The following GH2 variants were observed in gnomAD, a reference collection of about 807,000 sequenced individuals.
GH2 encodes growth hormone 2.
GH2 carries 17 observed loss-of-function variants against 24.1 expected under a neutral mutation model. The observed-to-expected ratio is 0.71, with a 90% confidence interval of 0.48 to 1.06. The LOEUF is 1.06. Among genes scored for constraint, GH2 ranks in the 50% least tolerant of loss-of-function variants. The probability of loss-of-function intolerance (pLI) is 0.00; values close to 1 mark genes in which losing one functional copy is unlikely to be tolerated. For missense variants in GH2, 305 were observed against 273.1 expected (o/e 1.12, Z -0.82); for synonymous variants, 126 against 118.7 (o/e 1.06, Z -0.40).
chr17:63,881,655 G>A (rs1247662553), intron 1 of GH2, 136 bp from the exon 2 acceptor site: 12 of 1,606,548 alleles, frequency 7.5e-6, no homozygotes, highest in Non-Finnish European at 1.0e-5. Context: ...TCAGAGATTG[G>A]CCAAATACTG....
At chr17:63,881,699 C>A in intron 1 of GH2, 93 bp downstream of exon 1, 2 of 1,611,426 alleles carry the variant, frequency 1.2e-6, no homozygotes, top group South Asian at 1.1e-5. Flanking sequence ...TCATAAGCCC[C>A]AAACCTGAGG....
chr17:63,880,496 CG>C lies in GH2; in HGVS notation c.478del (p.Arg160GlyfsTer88), dbSNP rs768177501. On this transcript the variant is annotated frameshift_variant, in exon 5 of 5. Coordinates refer to ENST00000423893, the MANE Select transcript of GH2 (RefSeq NM_002059.5). LOFTEE classifies it high-confidence loss of function. ...LMWRLEDGSP[R>X]TGQIFNQSYS... ...GGACTGATTGAAGATCTGCCCAGTC[CG>C]GGGGCTGCCATCTTCCAGCCTCTGC... 9 of 1,613,642 alleles carry C rather than the reference CG, an allele frequency of 5.6e-6. No individual in the cohort carries two copies. The South Asian group carries it at 8.8e-5, about 16-fold the overall frequency.
At position 63,880,521 on chromosome 17, in the gene GH2, G is replaced by A; in HGVS notation, c.457-3C>T. The A allele has an allele frequency of 6.2e-7, 1 of 1,613,796 alleles. No individual in the cohort carries two copies. The highest frequency in any genetic ancestry group is 1.1e-5 in the South Asian group (1 of 91,066). ...CGGGGGCTGCCATCTTCCAGCCTCT[G>A]CAAAGTGAAGGAAGAGAAGGAGAGG... On this transcript the variant is annotated splice_region_variant and splice_polypyrimidine_tract_variant and intron_variant, in intron 4 of 4. Transcript: ENST00000423893.
At position 63,881,773 on chromosome 17, in the gene GH2, G is replaced by C. The variant is rs776427200; in HGVS notation, c.10+19C>G. On this transcript the variant is annotated intron_variant, in intron 1 of 4. Coordinates refer to ENST00000423893, the MANE Select transcript of GH2 (RefSeq NM_002059.5). ...CCCTCAGGACACATTGTGCCCAAAG[G>C]GATTTTAGGGGCGCTTACCTGCAGC... 1.9e-6 allele frequency: 3 copies of C among 1,612,860 alleles called. No individual in the cohort carries two copies. The highest frequency in any genetic ancestry group is 4.5e-5 in the East Asian group (2 of 44,884).
chr17:63,881,898 G>GC lies in GH2; in HGVS notation c.-98dup. On this transcript the variant is annotated 5_prime_UTR_variant, in exon 1 of 5. Transcript: ENST00000423893. ...CTCTTGTGGGCCCTTTTTATACCTG[G>GC]CCCCTTCTCTCTCGCTGCTTCTCCT... is the stretch of plus-strand genomic sequence containing the variant. The GC allele has an allele frequency of 1.2e-6, 2 of 1,612,398 alleles. No individual in the cohort carries two copies. The highest frequency in any genetic ancestry group is 1.7e-6 in the Non-Finnish European group (2 of 1,179,080).
rs768571546 is a variant in GH2 at position 63,880,656 on chromosome 17, G to C, written c.456+116C>G. 11 of 1,613,912 alleles carry C rather than the reference G, an allele frequency of 6.8e-6. No homozygotes were observed. In the African/African-American group the frequency reaches 1.1e-4, roughly 16 times the overall value. ...ATTCACGAGGGGAAATGAAGAATACGGTGAGTTCTCTTGGGTCAGCGCCTG... is the reference window on the plus strand; with the variant it reads ...ATTCACGAGGGGAAATGAAGAATACCGTGAGTTCTCTTGGGTCAGCGCCTG... On this transcript the variant is annotated intron_variant, in intron 4 of 4. Transcript: ENST00000423893.
At chr17:63,881,215 C>T in intron 2 of GH2, 67 bp from the exon 3 acceptor site, 1 of 1,613,456 alleles carries the variant, frequency 6.2e-7, no homozygotes, top group Non-Finnish European at 8.5e-7. Context: ...TTTCTGGGAA[C>T]CTCACTCAGC....
In GH2 at chr17:63,881,839, T is replaced by G. The variant is rs373676082; in HGVS notation, c.-38A>C. 2.5e-6 allele frequency: 4 copies of G among 1,613,714 alleles called. No individual in the cohort carries two copies. Among genetic ancestry groups the G allele is most frequent in the East Asian group, 4.5e-5 (2 of 44,878 alleles). ...AGCTGTCCACAGGACCCTGAGTGGT[T>G]CGGGGAGTTGGGCCTTGGGATCCTT... On this transcript the variant is annotated 5_prime_UTR_variant, in exon 1 of 5. Coordinates refer to ENST00000423893, the MANE Select transcript of GH2 (RefSeq NM_002059.5).
Position 63,880,790 on chromosome 17 carries a change from G to A in GH2, c.438C>T (p.Gly146=). 1.2e-6 allele frequency: 2 copies of A among 1,614,104 alleles called. No individual in the cohort carries two copies. The highest frequency in any genetic ancestry group is 1.7e-6 in the Non-Finnish European group (2 of 1,179,968). The change falls in exon 4 of 5, where the codon GGC becomes GGT. Residue 146 remains glycine (G), a synonymous_variant. Transcript: ENST00000423893. ...VYRHLKDLEE[G]IQTLMWRLED... ...CCCTCACCCACATCAGCGTTTGGATGCCTTCCTCTAGGTCCTTCAGGTGGC... is the reference window on the plus strand; with the variant it reads ...CCCTCACCCACATCAGCGTTTGGATACCTTCCTCTAGGTCCTTCAGGTGGC...
In GH2 at chr17:63,881,159, G is replaced by A. The variant is rs1227988397; in HGVS notation, c.172-11C>T. On this transcript the variant is annotated splice_polypyrimidine_tract_variant and intron_variant, in intron 2 of 4. Transcript: ENST00000423893. ...GATATAGGCTTCTTCCTAGGAGAAGGACCGCCCACCAAGGTCTATGCTGGA... is the reference window on the plus strand; with the variant it reads ...GATATAGGCTTCTTCCTAGGAGAAGAACCGCCCACCAAGGTCTATGCTGGA... 2 of 1,613,936 alleles carry A rather than the reference G, an allele frequency of 1.2e-6. No homozygotes were observed. The highest frequency in any genetic ancestry group is 1.7e-6 in the Non-Finnish European group (2 of 1,179,954).
Position 63,881,371 on chromosome 17 carries a change from G to C in GH2, c.159C>G (p.Thr53=). The change falls in exon 2 of 5, where the codon ACC becomes ACG. Residue 53 remains threonine, a synonymous_variant. Transcript: ENST00000423893. The stretch of plus-strand genomic sequence containing the variant: ...CCCAAGAGCTTACAAACTCCTGATA[G>C]GTGTCATATGCCAGCTGGTACAGGC... The part of the protein sequence containing the change: ...ARRLYQLAYD[T]YQEFEEAYIL... The C allele has an allele frequency of 1.9e-6, 3 of 1,614,032 alleles. No individual in the cohort carries two copies. Among genetic ancestry groups the C allele is most frequent in the Non-Finnish European group, 2.5e-6 (3 of 1,179,928 alleles).
intron 3 of GH2, 36 bp from the exon 4 acceptor site, chr17:63,880,972 G>A: frequency 3.1e-6 from 5 of 1,614,068 alleles, no homozygotes; most frequent in East Asian, 2.2e-5. Flanking sequence ...TGTGCTGCCC[G>A]GGGGCTCTGA....
At chr17:63,881,679 A>G (rs1905547064) in intron 1 of GH2, 113 bp downstream of exon 1, 8 of 1,609,416 alleles carry the variant, frequency 5.0e-6, no homozygotes, top group South Asian at 1.1e-5. Flanking sequence ...TTAGATGGCG[A>G]TACTAACATT....
Position 63,880,440 on chromosome 17 carries a change from C to G in GH2, c.535G>C (p.Asp179His), listed in dbSNP as rs1255422488. 10 of 1,613,630 alleles carry G rather than the reference C, an allele frequency of 6.2e-6. No individual in the cohort carries two copies. The highest frequency in any genetic ancestry group is 1.3e-5 in the African/African-American group (1 of 74,858). Residue 179 changes from aspartate (D) to histidine (H), a missense_variant, in exon 5 of 5, where the codon GAT (aspartate) becomes CAT (histidine). Asp to His is a moderately conservative substitution (Grantham distance 81). Transcript: ENST00000423893. ...YSKFDTKSHN[D>H]DALLKNYGLL... ...CCGTAGTTCTTGAGCAGTGCGTCATCGTTGTGCGATTTTGTGTCAAACTTG... is the reference window on the plus strand; with the variant it reads ...CCGTAGTTCTTGAGCAGTGCGTCATGGTTGTGCGATTTTGTGTCAAACTTG...
Position 63,880,851 on chromosome 17 carries a change from C to G in GH2, c.377G>C (p.Ser126Thr). The part of the protein sequence containing the change: ...VQLLRSVFAN[S>T]LVYGASDSNV... ...GCTGTCCGAGGCGCCATACACCAGG[C>G]TGTTGGCGAAGACGCTCCTGAGGAG... The change falls in exon 4 of 5, where the codon AGC (serine) becomes ACC (threonine). Residue 126 changes from serine (S) to threonine (T), a missense_variant. By Grantham distance (58) the Ser-to-Thr change is moderately conservative (BLOSUM62 1). Transcript: ENST00000423893. The G allele has an allele frequency of 1.2e-6, 2 of 1,614,080 alleles. No homozygotes were observed. Among genetic ancestry groups the G allele is most frequent in the Non-Finnish European group, 1.7e-6 (2 of 1,179,948 alleles).
At position 63,881,101 on chromosome 17, in the gene GH2, G is replaced by C; in HGVS notation, c.219C>G (p.Asn73Lys). ...LKEQKYSFLQ[N>K]PQTSLCFSES... is the part of the protein sequence containing the mutation. ...CTGAGAAGCAGAGGGAGGTCTGGGG[G>C]TTCTGCAGGAATGAATACTTCTGCT... The change falls in exon 3 of 5, where the codon AAC (asparagine) becomes AAG (lysine). Residue 73 changes from asparagine to lysine, a missense_variant. By Grantham distance (94) the Asn-to-Lys change is moderately conservative. Transcript: ENST00000423893. The C allele has an allele frequency of 6.2e-7, 1 of 1,614,072 alleles. No homozygotes were observed. Among genetic ancestry groups the C allele is most frequent in the South Asian group, 1.1e-5 (1 of 91,078 alleles).
Position 63,880,766 on chromosome 17 carries a change from C to A in GH2, c.456+6G>T, listed in dbSNP as rs759453160. 28 of 1,614,108 alleles carry A rather than the reference C, an allele frequency of 1.7e-5. 1 individual carries two copies. Among genetic ancestry groups the A allele is most frequent in the Non-Finnish European group, 2.4e-5 (28 of 1,179,958 alleles). On this transcript the variant is annotated splice_donor_region_variant and intron_variant, in intron 4 of 4. Transcript: ENST00000423893. The stretch of plus-strand genomic sequence containing the variant: ...CAGGATTGGGGATCCCTGGTGCCAC[C>A]CTCACCCACATCAGCGTTTGGATGC...
At position 63,881,153 on chromosome 17, in the gene GH2, G is replaced by T. The variant is rs374481477; in HGVS notation, c.172-5C>A. 10 of 1,613,966 alleles carry T rather than the reference G, an allele frequency of 6.2e-6. No homozygotes were observed. The East Asian group carries it at 2.0e-4, about 32-fold the overall frequency. Reference sequence around the variant, plus strand: ...CTTCAGGATATAGGCTTCTTCCTAGGAGAAGGACCGCCCACCAAGGTCTAT... The same window carrying T: ...CTTCAGGATATAGGCTTCTTCCTAGTAGAAGGACCGCCCACCAAGGTCTAT... On this transcript the variant is annotated splice_region_variant and splice_polypyrimidine_tract_variant and intron_variant, in intron 2 of 4. Transcript: ENST00000423893.
chr17:63,880,217 A>G lies in GH2; in HGVS notation c.*104T>C. On this transcript the variant is annotated 3_prime_UTR_variant, in exon 5 of 5. Coordinates refer to ENST00000423893, the MANE Select transcript of GH2 (RefSeq NM_002059.5). Reference sequence around the variant, plus strand: ...CAAGGACACCTAGTCAAACAAAATGATGCAACTTAATTTTATTAGGACAAG... The same window carrying G: ...CAAGGACACCTAGTCAAACAAAATGGTGCAACTTAATTTTATTAGGACAAG... The G allele has an allele frequency of 6.3e-7, 1 of 1,584,878 alleles. No individual in the cohort carries two copies. The highest frequency in any genetic ancestry group is 8.6e-7 in the Non-Finnish European group (1 of 1,161,096).
Sources: gnomAD v4.1 joint callset for allele counts on GRCh38, gnomAD v4.1.1 for gene constraint, MANE v1.5 for transcripts, NCBI Gene and HGNC (gene_info 2026-07-23, HGNC 2026-07-21) for gene names.